Variants in DPY19L2 observed in about 807,000 individuals in gnomAD.
DPY19L2 encodes the protein dpy-19 like 2, also known as probable C-mannosyltransferase DPY19L2.
A neutral mutation model predicts 97.9 loss-of-function variants in DPY19L2; 34 were observed. That is an observed-to-expected ratio of 0.35 (90% CI 0.26 to 0.46). The LOEUF is 0.46. Among genes scored for constraint, DPY19L2 ranks in the 20% least tolerant of loss-of-function variants. The probability of loss-of-function intolerance (pLI) is 1.00; values close to 1 mark genes in which losing one functional copy is unlikely to be tolerated. For missense variants in DPY19L2, 623 were observed against 911.4 expected, an observed-to-expected ratio of 0.68 and a Z score of 4.07; for synonymous variants, 230 against 307.9, an observed-to-expected ratio of 0.75 and a Z score of 2.65.
chr12:63,626,558 A>G (rs1404080275), intron 6 of DPY19L2, 32 bp from the exon 7 acceptor site: 4 of 1,554,914 alleles, frequency 2.6e-6, no homozygotes, highest in Non-Finnish European at 1.7e-6. Context: ...AACAGAGAAT[A>G]CAATCAAAAT....
At chr12:63,631,765 A>G (rs12406794) in intron 6 of DPY19L2, among the ~76,000 whole-genome samples, 1 of 152,172 alleles carries the variant, frequency 6.6e-6, no homozygotes, top group Non-Finnish European at 1.5e-5. Flanking sequence ...CAACAAAAAA[A>G]GAGAATTTTA....
At position 63,569,325 on chromosome 12, in the gene DPY19L2, A is replaced by G. The variant is rs781708419; in HGVS notation, c.2025T>C (p.Ser675=). 6.3e-7 allele frequency: 1 copy of G among 1,591,968 alleles called. No individual in the cohort carries two copies. The highest frequency in any genetic ancestry group is 1.3e-5 in the African/African-American group (1 of 74,220). ...DLRARTKIVY[S]TYSRKSAKEV... ...CTTTGGCAGATTTTCGACTATATGT[A>G]GAATAAACTATTTTTGTCCGAGCCC... The change falls in exon 21 of 22, where the codon TCT becomes TCC. Residue 675 remains serine (S), a synonymous_variant. Coordinates refer to ENST00000324472, the MANE Select transcript of DPY19L2 (RefSeq NM_173812.5).
chr12:63,619,259 G>A (rs12303051), intron 9 of DPY19L2, among the ~76,000 whole-genome samples: 42,711 of 151,822 alleles, frequency 0.28, 6,604 homozygotes, highest in African/African-American at 0.43. Flanking sequence ...TGGGCAAGAT[G>A]GTGACACCTC....
At chr12:63,626,561 A>C (rs773886725) in intron 6 of DPY19L2, 35 bp from the exon 7 acceptor site, 2 of 1,553,284 alleles carry the variant, frequency 1.3e-6, no homozygotes, top group Non-Finnish European at 1.7e-6. Context: ...AGAGAATACA[A>C]TCAAAATTCA....
At position 63,633,301 on chromosome 12, in the gene DPY19L2, T is replaced by C. The variant is rs1190813693; in HGVS notation, c.804-6775A>G. 3.9e-5 allele frequency among the ~76,000 whole-genome samples: 6 copies of C among 152,128 alleles called. 1 individual carries two copies. Among genetic ancestry groups the C allele is most frequent in the Non-Finnish European group, 8.8e-5 (6 of 68,012 alleles). Reference sequence around the variant, plus strand: ...CAACCTACAGAATGGGAGAAATTTTTGCAATCTACTCATCTGACAAAGGGC... The same window carrying C: ...CAACCTACAGAATGGGAGAAATTTTCGCAATCTACTCATCTGACAAAGGGC... On this transcript the variant is annotated intron_variant, in intron 6 of 21. Coordinates refer to ENST00000324472, the MANE Select transcript of DPY19L2 (RefSeq NM_173812.5).
chr12:63,630,783 C>T (rs1230761884), intron 6 of DPY19L2, among the ~76,000 whole-genome samples: 2 of 152,056 alleles, frequency 1.3e-5, no homozygotes, highest in Non-Finnish European at 2.9e-5. Flanking sequence ...AGCACCACAC[C>T]GCACTTATTC....
Position 63,570,761 on chromosome 12 carries a change from A to G in DPY19L2, c.1997T>C (p.Leu666Ser), listed in dbSNP as rs768180331. 1 of 1,611,644 alleles carries G rather than the reference A, an allele frequency of 6.2e-7. No individual in the cohort carries two copies. The highest frequency in any genetic ancestry group is 8.5e-7 in the Non-Finnish European group (1 of 1,179,012). ...GAAATACTCATCAGCTGCCAACCTC[A>G]AGTCTGCATCTTCGTAATGTGGATG... ...VNHPHYEDAD[L>S]RARTKIVYST... Residue 666 changes from leucine to serine, a missense_variant, in exon 20 of 22, where the codon TTG becomes TCG. Leu to Ser is a moderately radical substitution (Grantham distance 145, BLOSUM62 -2). Transcript: ENST00000324472.
rs76083203 is a variant in DPY19L2, at chr12:63,631,608, G to A, written c.804-5082C>T. On this transcript the variant is annotated intron_variant, in intron 6 of 21. Transcript: ENST00000324472. The stretch of plus-strand genomic sequence containing the variant: ...ACCAAAAAAAGTCCAGGACCAGACA[G>A]AGTCACAGCCCAATTCTACTAGAGG... 1.7e-3 allele frequency among the ~76,000 whole-genome samples: 252 copies of A among 152,226 alleles called. 3 individuals are homozygous for A. The highest frequency in any genetic ancestry group is 9.7e-3 in the South Asian group (47 of 4,824).
chr12:63,578,326 G>A (rs1880242669), intron 19 of DPY19L2, among the ~76,000 whole-genome samples: 1 of 152,030 alleles, frequency 6.6e-6, no homozygotes, highest in Non-Finnish European at 1.5e-5. Context: ...ATAGTGAGGG[G>A]GTGGAGGGGA....
At chr12:63,592,819 CA>C (rs1364341624) in intron 16 of DPY19L2, among the ~76,000 whole-genome samples, 2 of 152,094 alleles carry the variant, frequency 1.3e-5, no homozygotes, top group Non-Finnish European at 2.9e-5. Context: ...AGCTTCTGCA[CA>C]GCAAAAGAAA....
intron 6 of DPY19L2, among the ~76,000 whole-genome samples, chr12:63,635,759 C>T (rs1891563492): frequency 6.6e-6 from 1 of 152,070 alleles, no homozygotes; most frequent in Non-Finnish European, 1.5e-5. Context: ...ACAAAGCCTC[C>T]AAGAAATATG....
intron 2 of DPY19L2, among the ~76,000 whole-genome samples, chr12:63,664,192 C>T (rs1896044650): frequency 6.6e-6 from 1 of 151,976 alleles, no homozygotes; most frequent in South Asian, 2.1e-4. Flanking sequence ...CAAAAATTAG[C>T]CAGCCATGGT....
chr12:63,562,668 T>G, intron 21 of DPY19L2, among the ~76,000 whole-genome samples: 1 of 152,158 alleles, frequency 6.6e-6, no homozygotes, highest in Non-Finnish European at 1.5e-5. Context: ...ACTTGGCAGT[T>G]TTTTTTTCAA....
At chr12:63,656,433 G>A (rs975456955) in intron 4 of DPY19L2, among the ~76,000 whole-genome samples, 6 of 152,150 alleles carry the variant, frequency 3.9e-5, no homozygotes, top group Non-Finnish European at 7.3e-5. Context: ...TTTAGGCTTT[G>A]TGAGATAGTC....
intron 6 of DPY19L2, among the ~76,000 whole-genome samples, chr12:63,634,735 G>A (rs1478646037): frequency 6.6e-6 from 1 of 152,156 alleles, no homozygotes. Flanking sequence ...GGCTGGTGGA[G>A]GGGCGTCCAC....
chr12:63,570,894 G>A, intron 19 of DPY19L2, 37 bp from the exon 20 acceptor site: 1 of 1,580,992 alleles, frequency 6.3e-7, no homozygotes, highest in Non-Finnish European at 8.6e-7. Context: ...TCAATTAAAT[G>A]TTTTAAAGAA....
In DPY19L2 at chr12:63,626,483, A is replaced by C; in HGVS notation, c.847T>G (p.Phe283Val). Residue 283 changes from phenylalanine (F) to valine (V), a missense_variant, in exon 7 of 22, where the codon TTC becomes GTC. Phe to Val is a conservative substitution (Grantham distance 50, BLOSUM62 -1). Around this residue, in one of 6 missense-constraint regions of DPY19L2, gnomAD observed 67 missense variants for 88.0 expected, o/e 0.76. Coordinates refer to ENST00000324472, the MANE Select transcript of DPY19L2 (RefSeq NM_173812.5). ...AGAAAACAAACCTCTCCATGGTTGA[A>C]AAAGAAGCACAGTACTGTAATAAGA... ...GGLITVLCFFFNHGEATRVMW... is the reference protein window; with the variant it reads ...GGLITVLCFFVNHGEATRVMW... The C allele has an allele frequency of 1.9e-6, 3 of 1,583,876 alleles. No individual in the cohort carries two copies. The highest frequency in any genetic ancestry group is 2.6e-6 in the Non-Finnish European group (3 of 1,171,250).
chr12:63,658,777 C>T (rs549950130), intron 4 of DPY19L2, among the ~76,000 whole-genome samples: 2 of 152,176 alleles, frequency 1.3e-5, no homozygotes, highest in Admixed American at 6.5e-5. Flanking sequence ...CTCAGTCAAC[C>T]GCATAAATTA....
At chr12:63,630,062 G>C (rs998109181) in intron 6 of DPY19L2, among the ~76,000 whole-genome samples, 4 of 152,110 alleles carry the variant, frequency 2.6e-5, no homozygotes, top group Non-Finnish European at 4.4e-5. Context: ...AGCTCCTGAA[G>C]GAAGCATGAA....
Sources: gnomAD v4.1 joint callset for allele counts (sites outside exome capture counted in the v4.1 genomes callset) on GRCh38, gnomAD v4.1.1 for gene constraint, gnomAD v4.1.1 regional missense constraint, MANE v1.5 for transcripts, NCBI Gene and HGNC (gene_info 2026-07-23, HGNC 2026-07-21) for gene names.